OLFM3: variants seen among roughly 807,000 people sequenced by gnomAD.
OLFM3 encodes olfactomedin 3.
Under a neutral mutation model 48.6 loss-of-function variants are expected in OLFM3, and 20 were observed. The observed-to-expected ratio is 0.41, with a 90% CI of 0.29 to 0.60. The LOEUF is 0.60. Ranked by LOEUF, OLFM3 falls within the 20% of genes least tolerant of loss-of-function variation. OLFM3 has a pLI of 0.28. For missense variants in OLFM3, 437 were observed against 544.3 expected (o/e 0.80, Z 1.96); for synonymous variants, 222 against 198.1 (o/e 1.12, Z -1.01).
intron 5 of OLFM3, among the ~76,000 whole-genome samples, chr1:101,805,337 C>T (rs1007289019): frequency 3.3e-5 from 5 of 151,768 alleles, no homozygotes; most frequent in African/African-American, 9.7e-5. Flanking sequence ...TCTAGTTTTT[C>T]GTATTCAATT....
chr1:101,982,549 G>T (rs1032247784), intron 1 of OLFM3, among the ~76,000 whole-genome samples: 39 of 152,222 alleles, frequency 2.6e-4, no homozygotes, highest in African/African-American at 8.2e-4. Flanking sequence ...GCATGCATAC[G>T]TGAAGTTGCT....
intron 1 of OLFM3, among the ~76,000 whole-genome samples, chr1:101,969,018 T>G (rs1660701571): frequency 6.6e-6 from 1 of 152,186 alleles, no homozygotes; most frequent in African/African-American, 2.4e-5. Context: ...ACAGATTCTG[T>G]GAGATTTTCA....
chr1:101,819,180 A>ACTT (rs1654481285), intron 4 of OLFM3, among the ~76,000 whole-genome samples: 1 of 152,102 alleles, frequency 6.6e-6, no homozygotes, highest in Admixed American at 6.6e-5. Flanking sequence ...GTCCCATGAC[A>ACTT]AGGGAGAGCA....
chr1:101,981,467 A>G (rs1004913649), intron 1 of OLFM3, among the ~76,000 whole-genome samples: 1 of 152,180 alleles, frequency 6.6e-6, no homozygotes, highest in Non-Finnish European at 1.5e-5. Context: ...ATTCTCCTCT[A>G]GGTATACTTT....
intron 4 of OLFM3, among the ~76,000 whole-genome samples, chr1:101,822,113 C>T (rs542137193): frequency 2.8e-4 from 43 of 151,890 alleles, no homozygotes; most frequent in Non-Finnish European, 4.7e-4. Flanking sequence ...TCCAAAATAT[C>T]GGAAGAGGCT....
chr1:101,927,407 C>T (rs12134387), intron 1 of OLFM3, among the ~76,000 whole-genome samples: 1 of 151,922 alleles, frequency 6.6e-6, no homozygotes, highest in Non-Finnish European at 1.5e-5. Context: ...TCACATCACT[C>T]GAAATTTTCT....
At chr1:101,962,381 T>C (rs534379403) in intron 1 of OLFM3, among the ~76,000 whole-genome samples, 3 of 152,170 alleles carry the variant, frequency 2.0e-5, no homozygotes, top group Non-Finnish European at 4.4e-5. Flanking sequence ...CCTTTTCCTT[T>C]ATAAAATACA....
intron 1 of OLFM3, among the ~76,000 whole-genome samples, chr1:101,873,858 C>T (rs900961141): frequency 6.6e-6 from 1 of 151,560 alleles, no homozygotes; most frequent in Admixed American, 6.6e-5. Context: ...TAAATTTTGC[C>T]GGACCAATTA....
At chr1:101,991,016 A>AAAAATATATAT (rs1553186119) in intron 1 of OLFM3, among the ~76,000 whole-genome samples, 70 of 32,130 alleles carry the variant, frequency 2.2e-3, no homozygotes, top group African/African-American at 3.3e-3. Flanking sequence ...AAAAAAAAAA[A>AAAAATATATAT]ATATATATAT....
intron 5 of OLFM3, among the ~76,000 whole-genome samples, chr1:101,805,514 A>G (rs1489704353): frequency 6.6e-6 from 1 of 151,786 alleles, no homozygotes; most frequent in Non-Finnish European, 1.5e-5. Flanking sequence ...ACATAAATAG[A>G]GCTATGGCAA....
At chr1:101,889,053 G>A (rs1445074563) in intron 1 of OLFM3, among the ~76,000 whole-genome samples, 1 of 152,190 alleles carries the variant, frequency 6.6e-6, no homozygotes, top group African/African-American at 2.4e-5. Context: ...CACTGTTGGT[G>A]GGACTCTAAA....
At chr1:101,970,551 AT>A (rs1660753151) in intron 1 of OLFM3, among the ~76,000 whole-genome samples, 1 of 152,020 alleles carries the variant, frequency 6.6e-6, no homozygotes, top group Non-Finnish European at 1.5e-5. Context: ...TTTTACAAAT[AT>A]TTACTGGTAC....
Position 101,824,036 on chromosome 1 carries a change from G to A in OLFM3, c.592+990C>T, listed in dbSNP as rs564653500. ...AATAGTCTTTACAATGTTCTTGTAAGCCACTCAAATTTTATTTTAAATGTT... is the reference window on the plus strand; with the variant it reads ...AATAGTCTTTACAATGTTCTTGTAAACCACTCAAATTTTATTTTAAATGTT... On this transcript the variant is annotated intron_variant, in intron 4 of 5. Transcript: ENST00000370103. 2.0e-5 allele frequency among the ~76,000 whole-genome samples: 3 copies of A among 152,142 alleles called. No homozygotes were observed. In the South Asian group the frequency reaches 6.2e-4, roughly 32 times the overall value.
At chr1:101,969,758 A>G (rs954881246) in intron 1 of OLFM3, among the ~76,000 whole-genome samples, 7 of 151,546 alleles carry the variant, frequency 4.6e-5, no homozygotes, top group Admixed American at 2.6e-4. Flanking sequence ...CCATACCATC[A>G]CTAAGATGTG....
chr1:101,811,466 T>C (rs953292912), intron 4 of OLFM3, among the ~76,000 whole-genome samples: 1 of 151,994 alleles, frequency 6.6e-6, no homozygotes, highest in African/African-American at 2.4e-5. Context: ...ATCCAGAGCC[T>C]AAAGGAACTC....
chr1:101,989,400 A>G (rs1359136088), intron 1 of OLFM3, among the ~76,000 whole-genome samples: 2 of 152,112 alleles, frequency 1.3e-5, no homozygotes, highest in Non-Finnish European at 2.9e-5. Flanking sequence ...CTGGCACTGT[A>G]GATAGAGATG....
At chr1:101,989,543 T>C (rs113772193) in intron 1 of OLFM3, among the ~76,000 whole-genome samples, 55 of 152,292 alleles carry the variant, frequency 3.6e-4, no homozygotes, top group African/African-American at 1.3e-3. Context: ...ATAATAGTTG[T>C]TCGTGAGTGG....
At chr1:101,992,263 G>A (rs1661432498) in intron 1 of OLFM3, among the ~76,000 whole-genome samples, 1 of 152,168 alleles carries the variant, frequency 6.6e-6, no homozygotes, top group African/African-American at 2.4e-5. Flanking sequence ...AAAGAAAAAT[G>A]AAGAAAGGTG....
In OLFM3 at chr1:101,803,479, T is replaced by C. The variant is rs1653592152; in HGVS notation, c.*759A>G. ...GGTAAAATAAAGACTCTATGTCAGGTGTCTGGTTTGGTTTTCATTTTAGTT... is the reference window on the plus strand; with the variant it reads ...GGTAAAATAAAGACTCTATGTCAGGCGTCTGGTTTGGTTTTCATTTTAGTT... On this transcript the variant is annotated 3_prime_UTR_variant, in exon 6 of 6. Transcript: ENST00000370103. 6.6e-6 allele frequency: 1 copy of C among 152,054 alleles called. No individual in the cohort carries two copies. The highest frequency in any genetic ancestry group is 6.6e-5 in the Admixed American group (1 of 15,168). The allele number at this position is 152,054 out of a possible 1,614,324, so 9.4% of individuals were successfully genotyped here.
Sources: allele counts gnomAD v4.1 joint callset (sites outside exome capture counted in the v4.1 genomes callset), GRCh38; gene constraint gnomAD v4.1.1; transcripts MANE v1.5; gene names NCBI Gene and HGNC (gene_info 2026-07-23, HGNC 2026-07-21).